ADD2: variants seen among roughly 807,000 people sequenced by gnomAD.
ADD2 encodes the protein adducin 2, also known as beta-adducin.
Under a neutral mutation model 83.0 loss-of-function variants are expected in ADD2, and 23 were observed. The observed-to-expected ratio is 0.28, with a 90% CI of 0.20 to 0.39. The LOEUF (loss-of-function observed/expected upper bound fraction) is 0.39, where lower values mean the gene tolerates loss of function less well. Ranked by LOEUF, ADD2 falls within the 10% of genes least tolerant of loss-of-function variation. The pLI is 1.00. For missense variants in ADD2, 758 were observed against 944.9 expected (o/e 0.80, Z 2.59); for synonymous variants, 375 against 375.4 (o/e 1.00, Z 0.01).
At chr2:70,724,282 T>C (rs1672872684) in intron 1 of ADD2, among the ~76,000 whole-genome samples, 2 of 152,236 alleles carry the variant, frequency 1.3e-5, no homozygotes, top group Non-Finnish European at 2.9e-5. Context: ...CCTTAGCAGC[T>C]CTGTGGCCTT....
chr2:70,690,489 T>C (rs1378468445), intron 8 of ADD2, among the ~76,000 whole-genome samples: 1 of 152,178 alleles, frequency 6.6e-6, no homozygotes, highest in East Asian at 1.9e-4. Flanking sequence ...AGTTGTGCTA[T>C]AATTTAATTA....
intron 4 of ADD2, among the ~76,000 whole-genome samples, chr2:70,699,103 A>ATTCCTTTCTCAGGAGGAAGAGTAT (rs1671455777): frequency 6.6e-6 from 1 of 152,148 alleles, no homozygotes; most frequent in Non-Finnish European, 1.5e-5. Flanking sequence ...GGTCAGCCCC[A>ATTCCTTTCTCAGGAGGAAGAGTAT]TTCCTTTCTC....
At chr2:70,756,252 G>A (rs1674783730) in intron 1 of ADD2, among the ~76,000 whole-genome samples, 1 of 152,098 alleles carries the variant, frequency 6.6e-6, no homozygotes, top group Non-Finnish European at 1.5e-5. Context: ...TGCAGACACA[G>A]TTCTTTTTGG....
intron 1 of ADD2, among the ~76,000 whole-genome samples, chr2:70,723,392 A>AT (rs5832028): frequency 0.45 from 66,471 of 148,134 alleles, 15,495 homozygotes; most frequent in East Asian, 0.83. Context: ...CAACAATTGA[A>AT]TTTTTTTTTT....
intron 1 of ADD2, among the ~76,000 whole-genome samples, chr2:70,758,726 G>C (rs1553384324): frequency 6.6e-6 from 1 of 152,176 alleles, no homozygotes; most frequent in East Asian, 1.9e-4. Context: ...CTTGAGCCCA[G>C]GAGGTTAAGG....
intron 1 of ADD2, among the ~76,000 whole-genome samples, chr2:70,761,314 A>G (rs1475935559): frequency 8.6e-5 from 13 of 152,006 alleles, no homozygotes; most frequent in Admixed American, 8.5e-4. Flanking sequence ...ATGGGCAACA[A>G]AAAAGAAATT....
intron 4 of ADD2, among the ~76,000 whole-genome samples, chr2:70,701,566 A>G (rs1671582513): frequency 6.6e-6 from 1 of 152,178 alleles, no homozygotes; most frequent in Non-Finnish European, 1.5e-5. Context: ...TGAAGGAAGC[A>G]AAATGATCAT....
intron 1 of ADD2, among the ~76,000 whole-genome samples, chr2:70,766,512 T>C (rs1250090177): frequency 6.6e-6 from 1 of 152,246 alleles, no homozygotes; most frequent in Non-Finnish European, 1.5e-5. Context: ...AGTTCTCTTC[T>C]TTGGTCAGAT....
At chr2:70,686,831 T>G (rs1670750790) in intron 9 of ADD2, among the ~76,000 whole-genome samples, 1 of 152,050 alleles carries the variant, frequency 6.6e-6, no homozygotes, top group Admixed American at 6.5e-5. Context: ...CTCTAATACT[T>G]CATCATTATC....
At chr2:70,759,237 C>T (rs1383020620) in intron 1 of ADD2, among the ~76,000 whole-genome samples, 2 of 152,134 alleles carry the variant, frequency 1.3e-5, no homozygotes, top group Non-Finnish European at 2.9e-5. Context: ...CAGATCCTGC[C>T]CTGGAAGCTT....
chr2:70,757,558 A>T (rs2104549989), intron 1 of ADD2, among the ~76,000 whole-genome samples: 1 of 152,302 alleles, frequency 6.6e-6, no homozygotes, highest in South Asian at 2.1e-4. Flanking sequence ...AGGGTGTTGG[A>T]AAGATTTAAG....
chr2:70,696,595 G>A (rs1184883586), intron 4 of ADD2, among the ~76,000 whole-genome samples, 199 bp from the exon 5 acceptor site: 1 of 152,208 alleles, frequency 6.6e-6, no homozygotes, highest in Non-Finnish European at 1.5e-5. Flanking sequence ...TGCTCATTCA[G>A]ATAAACTTTT....
intron 1 of ADD2, among the ~76,000 whole-genome samples, chr2:70,752,755 A>AT (rs1336904299): frequency 6.6e-5 from 10 of 152,216 alleles, no homozygotes; most frequent in African/African-American, 2.2e-4. Context: ...GCATGTAGAA[A>AT]TGTCAGGGAA....
At chr2:70,702,917 A>G (rs1671674841) in intron 4 of ADD2, among the ~76,000 whole-genome samples, 1 of 152,168 alleles carries the variant, frequency 6.6e-6, no homozygotes, top group Admixed American at 6.5e-5. Context: ...ACTTGAACCC[A>G]GAAGTGCCAA....
chr2:70,767,954 G>A lies in ADD2; in HGVS notation c.-222C>T. ...TTGGTTTTGTTATTTTATGGGTTTG[G>A]GGGGTGGGGTGCGCTTAAAAAATCC... On this transcript the variant is annotated 5_prime_UTR_variant, in exon 1 of 16. Coordinates refer to ENST00000264436, the MANE Select transcript of ADD2 (RefSeq NM_001617.4). 2.0e-6 allele frequency: 3 copies of A among 1,535,802 alleles called. No individual in the cohort carries two copies. In the South Asian group the frequency reaches 3.6e-5, roughly 18 times the overall value.
chr2:70,738,627 A>G (rs1673711318), intron 1 of ADD2, among the ~76,000 whole-genome samples: 1 of 152,210 alleles, frequency 6.6e-6, no homozygotes, highest in African/African-American at 2.4e-5. Context: ...CATCTGTACC[A>G]GGACCGCAGT....
chr2:70,704,317 A>C lies in ADD2; in HGVS notation c.322+4T>G. 7.4e-7 allele frequency: 1 copy of C among 1,354,288 alleles called. No homozygotes were observed. Among genetic ancestry groups the C allele is most frequent in the Non-Finnish European group, 9.8e-7 (1 of 1,024,598 alleles). The allele number at this position is 1,354,288 out of a possible 1,614,324, so 83.9% of individuals were successfully genotyped here. On this transcript the variant is annotated splice_donor_region_variant and intron_variant, in intron 4 of 15. Coordinates refer to ENST00000264436, the MANE Select transcript of ADD2 (RefSeq NM_001617.4). Reference sequence around the variant, plus strand: ...CTCCTGGCAGCTCCCCAGACACCACATACTCATGGAAGATGTCGGGAAGAC... The same window carrying C: ...CTCCTGGCAGCTCCCCAGACACCACCTACTCATGGAAGATGTCGGGAAGAC...
chr2:70,674,720 C>T lies in ADD2; in HGVS notation c.1699G>A (p.Glu567Lys). ...TTCCTCTCCACCTCTTTCTTGTACT[C>T]CTCCAACTCCTGGTCAGTGAGTTGG... ...FSQLTDQELE[E>K]YKKEVERKKL... Residue 567 changes from glutamate (E) to lysine (K), a missense_variant, in exon 14 of 16, where the codon GAG (glutamate) becomes AAG (lysine). Physicochemically the swap from Glu to Lys is moderately conservative, Grantham distance 56. This residue lies in a region of ADD2 where 14 missense variants were observed against 36.2 expected (regional missense o/e 0.39). Transcript: ENST00000264436. The T allele has an allele frequency of 6.2e-7, 1 of 1,614,102 alleles. No individual in the cohort carries two copies. The highest frequency in any genetic ancestry group is 8.5e-7 in the Non-Finnish European group (1 of 1,180,004).
At chr2:70,733,690 T>C (rs566845638) in intron 1 of ADD2, among the ~76,000 whole-genome samples, 34 of 152,304 alleles carry the variant, frequency 2.2e-4, no homozygotes, top group Non-Finnish European at 3.1e-4. Flanking sequence ...TGGTAAAATG[T>C]ATCAAGGATC....
Sources: gnomAD v4.1 joint callset for allele counts (sites outside exome capture counted in the v4.1 genomes callset) on GRCh38, gnomAD v4.1.1 for gene constraint, gnomAD v4.1.1 regional missense constraint, MANE v1.5 for transcripts, NCBI Gene and HGNC (gene_info 2026-07-23, HGNC 2026-07-21) for gene names.